Variants in TNC observed in about 807,000 individuals in gnomAD.
TNC encodes the protein tenascin.
Under a neutral mutation model 202.4 loss-of-function variants are expected in TNC, and 109 were observed. That is an observed-to-expected ratio of 0.54 (90% CI 0.46 to 0.63). The LOEUF (loss-of-function observed/expected upper bound fraction) is 0.63, where lower values mean the gene tolerates loss of function less well. Among genes scored for constraint, TNC ranks in the 30% least tolerant of loss-of-function variants. The pLI is 0.00. For synonymous variants in TNC, 1,007 were observed against 1,089.7 expected, an observed-to-expected ratio of 0.92 and a Z score of 1.50; for missense variants, 2,756 against 2,833.3, an observed-to-expected ratio of 0.97 and a Z score of 0.62.
At chr9:115,046,264 C>T (rs1038139960) in intron 17 of TNC, 146 bp downstream of exon 17, 1 of 968,986 alleles carries the variant, frequency 1.0e-6, no homozygotes, top group Non-Finnish European at 1.6e-6. Flanking sequence ...GCCAAATTGT[C>T]CAAGGTAACA....
chr9:115,023,683 T>C (rs910207003), intron 27 of TNC, among the ~76,000 whole-genome samples: 2 of 152,234 alleles, frequency 1.3e-5, no homozygotes, highest in Non-Finnish European at 2.9e-5. Flanking sequence ...TTTATCTGCT[T>C]TACTTTTGGG....
intron 10 of TNC, among the ~76,000 whole-genome samples, chr9:115,069,506 G>A (rs1217195642): frequency 6.6e-6 from 1 of 151,610 alleles, no homozygotes; most frequent in African/African-American, 2.4e-5. Flanking sequence ...GGGAGAGGAG[G>A]AGAGGGAATG....
rs377200683 is a variant in TNC, at chr9:115,041,300, CAGGA to C, written c.5249-220_5249-217del. On this transcript the variant is annotated intron_variant, in intron 18 of 27. Coordinates refer to ENST00000350763, the MANE Select transcript of TNC (RefSeq NM_002160.4). ...TTGGTGCAGATGCCAAAAACAAAGC[CAGGA>C]GGGGCGGGGGAAAACATGAAGTCAC... Among the ~76,000 whole-genome samples, 10,058 of 123,556 alleles carry C rather than the reference CAGGA, an allele frequency of 0.081. 536 individuals carry two copies. Among genetic ancestry groups the C allele is most frequent in the Middle Eastern group, 0.2 (44 of 222 alleles). The allele number at this position is 123,556 out of a possible 152,430, so 81.1% of individuals were successfully genotyped here. A position where few individuals can be genotyped will look rare whatever the true frequency, so the allele number is the denominator to read the frequency against.
intron 6 of TNC, 74 bp downstream of exon 6, chr9:115,081,698 C>A: frequency 1.3e-6 from 2 of 1,521,342 alleles, no homozygotes; most frequent in South Asian, 1.1e-5. Context: ...TATGAGAAGG[C>A]ACTTTCTCAA....
At chr9:115,095,558 A>G (rs375996341) in intron 1 of TNC, among the ~76,000 whole-genome samples, 5 of 2,004 alleles carry the variant, frequency 2.5e-3, no homozygotes, top group African/African-American at 6.8e-3. Context: ...ATATATATGT[A>G]TATATATGTA....
chr9:115,114,455 G>A (rs1837308297), intron 1 of TNC, among the ~76,000 whole-genome samples: 1 of 152,226 alleles, frequency 6.6e-6, no homozygotes, highest in African/African-American at 2.4e-5. Flanking sequence ...ATCAGCAGGA[G>A]TGACCTGACT....
At position 115,076,584 on chromosome 9, in the gene TNC, G is replaced by A; in HGVS notation, c.2675-9C>T. On this transcript the variant is annotated splice_polypyrimidine_tract_variant and intron_variant, in intron 7 of 27. Coordinates refer to ENST00000350763, the MANE Select transcript of TNC (RefSeq NM_002160.4). The stretch of plus-strand genomic sequence containing the variant: ...CCTGGGAGCATCGAGGCCTGTTTGA[G>A]AGAAGGAACATTTGTATTGAACATA... 1 of 1,613,800 alleles carries A rather than the reference G, an allele frequency of 6.2e-7. No individual in the cohort carries two copies. Among genetic ancestry groups the A allele is most frequent in the Non-Finnish European group, 8.5e-7 (1 of 1,179,828 alleles).
At chr9:115,069,858 T>C (rs575877265) in intron 10 of TNC, among the ~76,000 whole-genome samples, 12 of 144,364 alleles carry the variant, frequency 8.3e-5, no homozygotes, top group Non-Finnish European at 1.5e-4. Flanking sequence ...TTTCCTTCCT[T>C]CCTTCCTTTT....
In TNC at chr9:115,059,712, G is replaced by T. The variant is rs779986823; in HGVS notation, c.4306+18C>A. 2.4e-5 allele frequency: 38 copies of T among 1,559,134 alleles called. No individual in the cohort carries two copies. In the Admixed American group the frequency reaches 5.6e-4, roughly 23 times the overall value. ...CAAAGAACCTTGGGGAGAAAGCATT[G>T]ACAGGGAGAGGAAGTACCTGTGGAG... On this transcript the variant is annotated intron_variant, in intron 14 of 27. Coordinates refer to ENST00000350763, the MANE Select transcript of TNC (RefSeq NM_002160.4).
chr9:115,093,182 G>T (rs1835363205), intron 1 of TNC, among the ~76,000 whole-genome samples: 1 of 152,050 alleles, frequency 6.6e-6, no homozygotes, highest in African/African-American at 2.4e-5. Context: ...GACTGATCAG[G>T]GGCCTAAGGA....
In TNC at chr9:115,026,534, C is replaced by G; in HGVS notation, c.6331G>C (p.Gly2111Arg). 1 of 1,614,046 alleles carries G rather than the reference C, an allele frequency of 6.2e-7. No homozygotes were observed. Among genetic ancestry groups the G allele is most frequent in the South Asian group, 1.1e-5 (1 of 91,076 alleles). Reference sequence around the variant, plus strand: ...GCTCTACGTGCAGCCACTACTGTACCTGCTGTCCCACTGTACCCCTCCACC... The same window carrying G: ...GCTCTACGTGCAGCCACTACTGTACGTGCTGTCCCACTGTACCCCTCCACC... Reference protein sequence around the residue: ...LKVEGYSGTAGDSMAYHNGRS... With the variant: ...LKVEGYSGTARDSMAYHNGRS... The change falls in exon 26 of 28, where the codon GGT becomes CGT. Residue 2111 changes from glycine (G) to arginine (R), a missense_variant and splice_region_variant. Physicochemically the swap from Gly to Arg is moderately radical, Grantham distance 125 (BLOSUM62 -2). Coordinates refer to ENST00000350763, the MANE Select transcript of TNC (RefSeq NM_002160.4).
At chr9:115,061,554 A>C (rs565646455) in intron 13 of TNC, among the ~76,000 whole-genome samples, 5 of 152,364 alleles carry the variant, frequency 3.3e-5, no homozygotes, top group African/African-American at 4.8e-5. Flanking sequence ...ATTCCAGGCA[A>C]CACAGGAATA....
At chr9:115,037,898 C>T (rs1006031891) in intron 20 of TNC, among the ~76,000 whole-genome samples, 4 of 152,198 alleles carry the variant, frequency 2.6e-5, no homozygotes, top group African/African-American at 9.7e-5. Flanking sequence ...GTTGAGACTG[C>T]TCAGTATGGC....
At chr9:115,033,216 G>A (rs772509778) in intron 22 of TNC, among the ~76,000 whole-genome samples, 2 of 152,118 alleles carry the variant, frequency 1.3e-5, no homozygotes, top group Non-Finnish European at 2.9e-5. Flanking sequence ...TCCTATACCA[G>A]GTTGATTTTT....
intron 6 of TNC, among the ~76,000 whole-genome samples, chr9:115,080,960 G>A (rs1459302211): frequency 1.3e-5 from 2 of 151,592 alleles, no homozygotes; most frequent in Admixed American, 6.6e-5. Context: ...CTCACCAAAT[G>A]ATCTAGTACT....
At position 115,021,115 on chromosome 9, in the gene TNC, G is replaced by A. The variant is rs769005137; in HGVS notation, c.*42C>T. ...GATGCTTTGGTAAAATCCTTTCCTCGCTCTGGGCCTTATTCCTCTCTCACC... is the reference window on the plus strand; with the variant it reads ...GATGCTTTGGTAAAATCCTTTCCTCACTCTGGGCCTTATTCCTCTCTCACC... On this transcript the variant is annotated 3_prime_UTR_variant, in exon 28 of 28. Coordinates refer to ENST00000350763, the MANE Select transcript of TNC (RefSeq NM_002160.4). 28 of 1,491,624 alleles carry A rather than the reference G, an allele frequency of 1.9e-5. No individual in the cohort carries two copies. Among genetic ancestry groups the A allele is most frequent in the African/African-American group, 9.7e-5 (7 of 72,132 alleles). The allele number at this position is 1,491,624 out of a possible 1,614,324, so 92.4% of individuals were successfully genotyped here. A position where few individuals can be genotyped will look rare whatever the true frequency, so the allele number is the denominator to read the frequency against.
rs769812268 is a variant in TNC, at chr9:115,073,680, C to T, written c.3137G>A (p.Gly1046Glu). 2.5e-6 allele frequency: 4 copies of T among 1,614,144 alleles called. No homozygotes were observed. The Admixed American group carries it at 6.7e-5, about 27-fold the overall frequency. Residue 1046 changes from glycine (G) to glutamate (E), a missense_variant, in exon 10 of 28, where the codon GGA becomes GAA. This residue lies in a region of TNC where 2,559 missense variants were observed against 2,546.0 expected (regional missense o/e 1.01). Transcript: ENST00000350763. The part of the protein sequence containing the change: ...TSYVLRGLEP[G>E]QEYNVLLTAE... ...TGTCAGGAGGACATTGTACTCCTGTCCTGGTTCCAGGCCTCTCAGGACATA... is the reference window on the plus strand; with the variant it reads ...TGTCAGGAGGACATTGTACTCCTGTTCTGGTTCCAGGCCTCTCAGGACATA...
intron 26 of TNC, 101 bp from the exon 27 acceptor site, chr9:115,024,237 T>C (rs1829305320): frequency 1.6e-6 from 2 of 1,274,362 alleles, no homozygotes; most frequent in Non-Finnish European, 1.1e-6. Context: ...AGGTTCTGGG[T>C]GTGGGACTGG....
At chr9:115,105,471 C>G (rs1836544604) in intron 1 of TNC, among the ~76,000 whole-genome samples, 1 of 152,130 alleles carries the variant, frequency 6.6e-6, no homozygotes, top group Non-Finnish European at 1.5e-5. Context: ...TCACACAGCT[C>G]AAGATCACAT....
Sources: gnomAD v4.1 joint callset for allele counts (sites outside exome capture counted in the v4.1 genomes callset) on GRCh38, gnomAD v4.1.1 for gene constraint, gnomAD v4.1.1 regional missense constraint, MANE v1.5 for transcripts, NCBI Gene and HGNC (gene_info 2026-07-23, HGNC 2026-07-21) for gene names.